The following WFS1 variants were observed in gnomAD, a reference collection of about 807,000 sequenced individuals.
WFS1 encodes wolframin ER transmembrane glycoprotein, also known as wolframin.
Under a neutral mutation model 68.5 loss-of-function variants are expected in WFS1, and 90 were observed. That is an observed-to-expected ratio of 1.31 (90% CI 1.11 to 1.56). The LOEUF (loss-of-function observed/expected upper bound fraction) is 1.56, where lower values mean the gene tolerates loss of function less well. WFS1 is among the 40% of genes most tolerant of loss of function. The pLI is 0.00. For synonymous variants in WFS1, 860 were observed against 540.7 expected (o/e 1.59, Z -8.19); for missense variants, 1,767 against 1,232.6 (o/e 1.43, Z -6.49).
chr4:6,270,108 C>T (rs974797195), intron 1 of WFS1, 94 bp downstream of exon 1: 2 of 152,248 alleles, frequency 1.3e-5, no homozygotes, highest in Admixed American at 6.5e-5. Context: ...CTTCGGGCCT[C>T]AGTTTCCCCT....
chr4:6,287,502 T>C lies in WFS1; in HGVS notation c.315+327T>C, dbSNP rs1449079830. Among the ~76,000 whole-genome samples, 4 of 152,176 alleles carry C rather than the reference T, an allele frequency of 2.6e-5. No individual in the cohort carries two copies. The highest frequency in any genetic ancestry group is 9.7e-5 in the African/African-American group (4 of 41,446). Reference sequence around the variant, plus strand: ...GCCACCCCTCAACATACACTGTGTATGCTGCCCACTCTTGTCTCCCTGACT... The same window carrying C: ...GCCACCCCTCAACATACACTGTGTACGCTGCCCACTCTTGTCTCCCTGACT... On this transcript the variant is annotated intron_variant, in intron 3 of 7. Coordinates refer to ENST00000226760, the MANE Select transcript of WFS1 (RefSeq NM_006005.3). The surrounding 1 kb of genome is among the most constrained non-coding windows in gnomAD (Gnocchi z 6.4).
chr4:6,276,490 T>C (rs1005907035), intron 1 of WFS1, among the ~76,000 whole-genome samples: 1 of 152,158 alleles, frequency 6.6e-6, no homozygotes, highest in Non-Finnish European at 1.5e-5. Flanking sequence ...CTCTCTGTGT[T>C]GGTTTCTGGG....
chr4:6,289,496 C>T (rs1400924643), intron 4 of WFS1, among the ~76,000 whole-genome samples: 3 of 152,248 alleles, frequency 2.0e-5, no homozygotes, highest in African/African-American at 7.2e-5. Context: ...TCAGAGTGGC[C>T]CATGCCCCTG....
At chr4:6,290,490 C>A (rs1309993687) in intron 4 of WFS1, among the ~76,000 whole-genome samples, 1 of 152,220 alleles carries the variant, frequency 6.6e-6, no homozygotes, top group Non-Finnish European at 1.5e-5. Context: ...GCCCCGTGTT[C>A]CCCCAGCTGC....
intron 6 of WFS1, among the ~76,000 whole-genome samples, 181 bp downstream of exon 6, chr4:6,292,178 C>T (rs1389400619): frequency 4.6e-5 from 7 of 152,200 alleles, no homozygotes; most frequent in African/African-American, 7.2e-5. Context: ...GGATCTCAGG[C>T]GGTCCGTTTG....
chr4:6,302,241 A>C lies in WFS1; in HGVS notation c.2446A>C (p.Ser816Arg), dbSNP rs780045028. The stretch of plus-strand genomic sequence containing the variant: ...CAGCGAGTTCAAGAGCGTGCTGCTC[A>C]GCCTGCGCCAGGGCAGCCTCATCGA... ...ASSEFKSVLL[S>R]LRQGSLIEFS... Residue 816 changes from serine to arginine, a missense_variant, in exon 8 of 8, where the codon AGC becomes CGC. Physicochemically the swap from Ser to Arg is moderately radical, Grantham distance 110. Transcript: ENST00000226760. 1 of 1,606,078 alleles carries C rather than the reference A, an allele frequency of 6.2e-7. No homozygotes were observed. Among genetic ancestry groups the C allele is most frequent in the Non-Finnish European group, 8.5e-7 (1 of 1,174,948 alleles).
intron 4 of WFS1, among the ~76,000 whole-genome samples, chr4:6,289,448 C>A (rs1386365279): frequency 1.3e-5 from 2 of 152,240 alleles, no homozygotes; most frequent in Non-Finnish European, 2.9e-5. Flanking sequence ...GAGGCAGTTT[C>A]CCTGAGGCAA....
intron 4 of WFS1, among the ~76,000 whole-genome samples, chr4:6,289,569 C>A (rs1167518242): frequency 6.6e-6 from 1 of 152,200 alleles, no homozygotes; most frequent in Non-Finnish European, 1.5e-5. Context: ...CAGACCTGGA[C>A]AAGCATGTTC....
At chr4:6,299,310 A>G (rs1730756746) in intron 7 of WFS1, among the ~76,000 whole-genome samples, 1 of 152,224 alleles carries the variant, frequency 6.6e-6, no homozygotes, top group South Asian at 2.1e-4. Flanking sequence ...GTGAAGGCCA[A>G]GAGCTCTTTC....
In WFS1 at chr4:6,301,042, T is replaced by A. The variant is rs1207145721; in HGVS notation, c.1247T>A (p.Ile416Asn). The A allele has an allele frequency of 6.2e-7, 1 of 1,614,030 alleles. No homozygotes were observed. Among genetic ancestry groups the A allele is most frequent in the African/African-American group, 1.3e-5 (1 of 74,904 alleles). Residue 416 changes from isoleucine (I) to asparagine (N), a missense_variant, in exon 8 of 8, where the codon ATC becomes AAC. Transcript: ENST00000226760. ...AHFLLSVFFVIFSFPIASKDC... is the reference protein window; with the variant it reads ...AHFLLSVFFVNFSFPIASKDC... The stretch of plus-strand genomic sequence containing the variant: ...TTCCTGCTCTCTGTCTTCTTCGTCA[T>A]CTTCTCCTTCCCCATCGCCAGCAAG...
At chr4:6,286,783 A>G (rs987914872) in intron 2 of WFS1, among the ~76,000 whole-genome samples, 1 of 152,158 alleles carries the variant, frequency 6.6e-6, no homozygotes, top group African/African-American at 2.4e-5. Context: ...AAGGGGTGTG[A>G]TGGTGGGACT....
In WFS1 at chr4:6,302,095, T is replaced by C; in HGVS notation, c.2300T>C (p.Ile767Thr). Residue 767 changes from isoleucine to threonine, a missense_variant, in exon 8 of 8, where the codon ATC becomes ACC. Ile to Thr is a moderately conservative substitution (Grantham distance 89, BLOSUM62 -1). Coordinates refer to ENST00000226760, the MANE Select transcript of WFS1 (RefSeq NM_006005.3). ...CTGCTGGCCAAGCACCCCTGCCACA[T>C]CAAGAAGTTCGACCGCTACAAGTTT... The part of the protein sequence containing the change: ...LKLLAKHPCH[I>T]KKFDRYKFEI... 6.2e-7 allele frequency: 1 copy of C among 1,612,890 alleles called. No individual in the cohort carries two copies. The highest frequency in any genetic ancestry group is 8.5e-7 in the Non-Finnish European group (1 of 1,180,008).
At chr4:6,290,443 C>T (rs887993493) in intron 4 of WFS1, among the ~76,000 whole-genome samples, 3 of 152,364 alleles carry the variant, frequency 2.0e-5, no homozygotes, top group Non-Finnish European at 4.4e-5. Flanking sequence ...AGCCCAGAGG[C>T]TGCTGGGGCA....
At position 6,300,934 on chromosome 4, in the gene WFS1, T is replaced by G; in HGVS notation, c.1139T>G (p.Leu380Arg). The G allele has an allele frequency of 6.2e-7, 1 of 1,614,192 alleles. No individual in the cohort carries two copies. The highest frequency in any genetic ancestry group is 8.5e-7 in the Non-Finnish European group (1 of 1,180,032). ...GAGAACTTCCGCACCCTCACCGACC[T>G]GCTGCTGCGCTTCGAGCCCAACCTG... ...AWENFRTLTD[L>R]LLRFEPNLDV... The change falls in exon 8 of 8, where the codon CTG (leucine) becomes CGG (arginine). Residue 380 changes from leucine to arginine, a missense_variant. Coordinates refer to ENST00000226760, the MANE Select transcript of WFS1 (RefSeq NM_006005.3).
At chr4:6,292,729 C>T (rs886328633) in intron 6 of WFS1, among the ~76,000 whole-genome samples, 1 of 152,166 alleles carries the variant, frequency 6.6e-6, no homozygotes, top group Non-Finnish European at 1.5e-5. Context: ...AGACCCAGGT[C>T]TGCCACAGAC....
In WFS1 at chr4:6,302,899, T is replaced by C. The variant is rs1278735128; in HGVS notation, c.*431T>C. The C allele has an allele frequency of 8.6e-6, 2 of 233,710 alleles. No homozygotes were observed. Among genetic ancestry groups the C allele is most frequent in the African/African-American group, 2.3e-5 (1 of 43,752 alleles). 14.5% of individuals were successfully genotyped at this position (233,710 alleles called of 1,614,324 possible). A position where few individuals can be genotyped will look rare whatever the true frequency, so the allele number is the denominator to read the frequency against. On this transcript the variant is annotated 3_prime_UTR_variant, in exon 8 of 8. Transcript: ENST00000226760. ...GTAACCTCCACAGTAGCATTTCTTA[T>C]TTGTTTGGTCACTGCTACACCTTAG... is the stretch of plus-strand genomic sequence containing the variant.
At chr4:6,291,661 A>T in intron 5 of WFS1, among the ~76,000 whole-genome samples, 1 of 152,184 alleles carries the variant, frequency 6.6e-6, no homozygotes, top group East Asian at 1.9e-4. Flanking sequence ...GTGCTCTGTG[A>T]CCACGTCTAC....
At chr4:6,289,629 G>A (rs1035896744) in intron 4 of WFS1, among the ~76,000 whole-genome samples, 1 of 152,126 alleles carries the variant, frequency 6.6e-6, no homozygotes, top group Non-Finnish European at 1.5e-5. Context: ...CTTTCAAACA[G>A]AGAGGCAGGG....
chr4:6,290,949 T>C (rs984172560), intron 4 of WFS1, among the ~76,000 whole-genome samples: 1 of 152,164 alleles, frequency 6.6e-6, no homozygotes, highest in East Asian at 1.9e-4. Context: ...GGCTGCCTTC[T>C]TCCCGCCAGC....
Sources: allele counts gnomAD v4.1 joint callset (sites outside exome capture counted in the v4.1 genomes callset), GRCh38; gene constraint gnomAD v4.1.1; non-coding constraint Gnocchi (gnomAD v3.1); transcripts MANE v1.5; gene names NCBI Gene and HGNC (gene_info 2026-07-23, HGNC 2026-07-21).